The following ZZEF1 variants were observed in gnomAD, a reference collection of about 807,000 sequenced individuals.
ZZEF1 encodes the protein zinc finger ZZ-type and EF-hand domain containing 1, also known as zinc finger ZZ-type and EF-hand domain-containing protein 1.
A neutral mutation model predicts 342.8 loss-of-function variants in ZZEF1; 157 were observed. The ratio of observed to expected loss-of-function variants is 0.46; its 90% CI spans 0.40 to 0.52. The LOEUF is 0.52. Ranked by LOEUF, ZZEF1 falls within the 20% of genes least tolerant of loss-of-function variation. ZZEF1 has a pLI of 0.00. For synonymous variants in ZZEF1, 1,505 were observed against 1,429.1 expected (o/e 1.05, Z -1.20); for missense variants, 3,480 against 3,725.6 (o/e 0.93, Z 1.72).
rs779831785 is a variant in ZZEF1 at position 4,059,152 on chromosome 17, T to C, written c.5003+19A>G. On this transcript the variant is annotated intron_variant, in intron 31 of 54. Coordinates refer to ENST00000381638, the MANE Select transcript of ZZEF1 (RefSeq NM_015113.4). ...AAAATACATTTTTTTTCTCTAGAAA[T>C]GATAAAGTTATCCAGTACCTGTCAT... 2 of 1,544,348 alleles carry C rather than the reference T, an allele frequency of 1.3e-6. No individual in the cohort carries two copies. Among genetic ancestry groups the C allele is most frequent in the Non-Finnish European group, 1.7e-6 (2 of 1,153,588 alleles).
chr17:4,140,290 G>C lies in ZZEF1; in HGVS notation c.354+2252C>G, dbSNP rs954619310. ...CAGATTCTCTGGACTTTGAACTTTTGTGGATACAATTTCCTCTGCCTGAAA... is the reference window on the plus strand; with the variant it reads ...CAGATTCTCTGGACTTTGAACTTTTCTGGATACAATTTCCTCTGCCTGAAA... On this transcript the variant is annotated intron_variant, in intron 1 of 54. Transcript: ENST00000381638. Among the ~76,000 whole-genome samples the C allele has an allele frequency of 5.3e-5, 8 of 152,262 alleles. No homozygotes were observed. In the East Asian group the frequency reaches 1.5e-3, roughly 29 times the overall value.
chr17:4,087,632 G>A, intron 13 of ZZEF1, 98 bp from the exon 14 acceptor site: 1 of 1,042,810 alleles, frequency 9.6e-7, no homozygotes, highest in East Asian at 2.6e-5. Context: ...GGGATGAGGT[G>A]GCTCTACATG....
chr17:4,129,516 G>A lies in ZZEF1; in HGVS notation c.355-5465C>T, dbSNP rs1031989634. Among the ~76,000 whole-genome samples the A allele has an allele frequency of 2.3e-4, 35 of 152,124 alleles. 1 individual carries two copies. Among genetic ancestry groups the A allele is most frequent in the Non-Finnish European group, 2.9e-5 (2 of 68,026 alleles). ...ATGACAGACTGGATGAAGAAAATGTGTAGTCCTTCAACATAAATAAGGTAA... is the reference window on the plus strand; with the variant it reads ...ATGACAGACTGGATGAAGAAAATGTATAGTCCTTCAACATAAATAAGGTAA... On this transcript the variant is annotated intron_variant, in intron 1 of 54. Transcript: ENST00000381638.
chr17:4,030,074 A>G (rs1049162323), intron 42 of ZZEF1, among the ~76,000 whole-genome samples: 1 of 151,824 alleles, frequency 6.6e-6, no homozygotes, highest in Admixed American at 6.6e-5. Flanking sequence ...AGCAGTAACA[A>G]CACATTAAAC....
chr17:4,079,190 C>T (rs2057677410), intron 18 of ZZEF1, among the ~76,000 whole-genome samples: 1 of 152,206 alleles, frequency 6.6e-6, no homozygotes, highest in African/African-American at 2.4e-5. Flanking sequence ...AGTCAAACAG[C>T]CCCGGTTTCA....
intron 9 of ZZEF1, among the ~76,000 whole-genome samples, chr17:4,098,586 G>A (rs929093937): frequency 3.0e-4 from 45 of 152,128 alleles, no homozygotes; most frequent in African/African-American, 1.1e-3. Flanking sequence ...TCTTTCAAAC[G>A]TCTCTAAATG....
At position 4,087,646 on chromosome 17, in the gene ZZEF1, G is replaced by T. The variant is rs115322767; in HGVS notation, c.2242-112C>A. 2.2e-3 allele frequency: 1,953 copies of T among 901,270 alleles called. 25 individuals carry two copies. In the African/African-American group the frequency reaches 0.03, roughly 14 times the overall value. 55.8% of individuals were successfully genotyped at this position (901,270 alleles called of 1,614,324 possible). A position where few individuals can be genotyped will look rare whatever the true frequency, so the allele number is the denominator to read the frequency against. On this transcript the variant is annotated intron_variant, in intron 13 of 54. Transcript: ENST00000381638. ...AGGGATGAGGTGGCTCTACATGAGT[G>T]AGACTTTCATATTACTGATGCTTAC...
In ZZEF1 at chr17:4,017,646, G is replaced by A. The variant is rs778615460; in HGVS notation, c.7726C>T (p.Gln2576Ter). ...KLISSTESEL[Q>*]QSYAKQRRSK... ...CGGCGCTGCTTGGCATAGCTCTGCT[G>A]CAGTTCGCTCTCTGTGCTGGAGATC... The change falls in exon 48 of 55, where the codon CAG (glutamine) becomes TAG (stop). Residue 2576 changes from glutamine (Q) to a stop codon, truncating the protein, a stop_gained. Transcript: ENST00000381638. LOFTEE classifies it high-confidence loss of function. The surrounding 1 kb of genome is among the most constrained non-coding windows in gnomAD (Gnocchi z 5.1). The A allele has an allele frequency of 2.5e-6, 4 of 1,614,150 alleles. No individual in the cohort carries two copies. The highest frequency in any genetic ancestry group is 3.4e-6 in the Non-Finnish European group (4 of 1,180,044).
intron 1 of ZZEF1, among the ~76,000 whole-genome samples, chr17:4,133,268 T>C (rs1483905281): frequency 4.1e-5 from 6 of 147,060 alleles, no homozygotes; most frequent in Non-Finnish European, 9.1e-5. Context: ...ATGTCATTTA[T>C]TCCTCATAAC....
At chr17:4,132,680 A>C in intron 1 of ZZEF1, among the ~76,000 whole-genome samples, 1 of 139,486 alleles carries the variant, frequency 7.2e-6, no homozygotes, top group African/African-American at 2.5e-5. Context: ...AAAATACAAA[A>C]AATTAGCCGG....
At position 4,143,012 on chromosome 17, in the gene ZZEF1, C is replaced by T. The variant is rs1181551110; in HGVS notation, c.-117G>A. ...GACGCGGAGGAGACGACGGCGGCCC[C>T]TGCGGCTTCCGGCTTCCTGGCCGTC... On this transcript the variant is annotated 5_prime_UTR_variant, in exon 1 of 55. Transcript: ENST00000381638. 2.4e-6 allele frequency: 3 copies of T among 1,268,820 alleles called. No individual in the cohort carries two copies. The highest frequency in any genetic ancestry group is 3.1e-5 in the African/African-American group (2 of 64,414). The allele number at this position is 1,268,820 out of a possible 1,614,324, so 78.6% of individuals were successfully genotyped here.
intron 42 of ZZEF1, among the ~76,000 whole-genome samples, chr17:4,029,219 A>T (rs1359641370): frequency 6.6e-6 from 1 of 152,226 alleles, no homozygotes; most frequent in Non-Finnish European, 1.5e-5. Flanking sequence ...TGGACAATAA[A>T]ACAAATTGTA....
Position 4,056,364 on chromosome 17 carries a change from G to C in ZZEF1, c.5166-19C>G. The stretch of plus-strand genomic sequence containing the variant: ...CCATTGGCTGAAAGAAGGACATAAA[G>C]AGAGAAAAGCATGCCTCTCCCAATC... On this transcript the variant is annotated intron_variant, in intron 32 of 54. Coordinates refer to ENST00000381638, the MANE Select transcript of ZZEF1 (RefSeq NM_015113.4). The C allele has an allele frequency of 1.9e-6, 3 of 1,568,180 alleles. No individual in the cohort carries two copies. The highest frequency in any genetic ancestry group is 2.6e-6 in the Non-Finnish European group (3 of 1,156,744).
rs1338195753 is a variant in ZZEF1, at chr17:4,142,973, A to T, written c.-78T>A. 4.7e-6 allele frequency: 6 copies of T among 1,272,688 alleles called. No individual in the cohort carries two copies. Among genetic ancestry groups the T allele is most frequent in the Non-Finnish European group, 4.9e-6 (5 of 1,013,516 alleles). 78.8% of individuals were successfully genotyped at this position (1,272,688 alleles called of 1,614,324 possible). On this transcript the variant is annotated 5_prime_UTR_variant, in exon 1 of 55. Transcript: ENST00000381638. The stretch of plus-strand genomic sequence containing the variant: ...CCTCGACCTGTCAACCTCCGACAGC[A>T]GCTGGCGGGCGGGGACGCGGAGGAG...
rs571274916 is a variant in ZZEF1, at chr17:4,070,293, TA to T, written c.4075+390del. ...TTAGAATGTTAGAGCGAATCACCCTTAAACCAATTTTACAGATAAAGAAACT... is the reference window on the plus strand; with the variant it reads ...TTAGAATGTTAGAGCGAATCACCCTTAACCAATTTTACAGATAAAGAAACT... On this transcript the variant is annotated intron_variant, in intron 26 of 54. Coordinates refer to ENST00000381638, the MANE Select transcript of ZZEF1 (RefSeq NM_015113.4). 3.9e-5 allele frequency among the ~76,000 whole-genome samples: 6 copies of T among 152,346 alleles called. No homozygotes were observed. The South Asian group carries it at 1.2e-3, about 32-fold the overall frequency.
intron 1 of ZZEF1, among the ~76,000 whole-genome samples, chr17:4,129,639 C>A (rs1339673692): frequency 6.6e-6 from 1 of 151,994 alleles, no homozygotes; most frequent in Non-Finnish European, 1.5e-5. Context: ...GAGTTCCAGA[C>A]CAGCCTGTCC....
At chr17:4,027,594 CTTTT>C (rs35210596) in intron 42 of ZZEF1, among the ~76,000 whole-genome samples, 3 of 119,710 alleles carry the variant, frequency 2.5e-5, no homozygotes, top group East Asian at 4.7e-4. Context: ...TGTGCCCTGC[CTTTT>C]TTTTTTTTTT....
At chr17:4,104,501 A>G (rs2058177714) in intron 8 of ZZEF1, 132 bp downstream of exon 8, 1 of 948,762 alleles carries the variant, frequency 1.1e-6, no homozygotes, top group Non-Finnish European at 1.6e-6. Context: ...GGATACGTTC[A>G]TCCAGGAATC....
intron 26 of ZZEF1, 53 bp from the exon 27 acceptor site, chr17:4,067,295 T>C: frequency 6.9e-7 from 1 of 1,449,004 alleles, no homozygotes; most frequent in Non-Finnish European, 9.5e-7. Flanking sequence ...AATTCACTAC[T>C]GCAACATTAA....
Sources: gnomAD v4.1 joint callset for allele counts (sites outside exome capture counted in the v4.1 genomes callset) on GRCh38, gnomAD v4.1.1 for gene constraint, Gnocchi (gnomAD v3.1) non-coding constraint, MANE v1.5 for transcripts, NCBI Gene and HGNC (gene_info 2026-07-23, HGNC 2026-07-21) for gene names.